The following TPST2 variants were observed in gnomAD, a reference collection of about 807,000 sequenced individuals.
The protein encoded by TPST2 is protein-tyrosine sulfotransferase 2.
In TPST2, 16 loss-of-function variants were observed where a neutral mutation model predicts 27.8. The ratio of observed to expected loss-of-function variants is 0.58; its 90% CI spans 0.39 to 0.88. The LOEUF is 0.88. Ranked by LOEUF, TPST2 falls within the 40% of genes least tolerant of loss-of-function variation. The probability of loss-of-function intolerance (pLI) is 0.00; values close to 1 mark genes in which losing one functional copy is unlikely to be tolerated. For missense variants in TPST2, 464 were observed against 543.1 expected, an observed-to-expected ratio of 0.85 and a Z score of 1.45; for synonymous variants, 229 against 231.7, an observed-to-expected ratio of 0.99 and a Z score of 0.10.
intron 1 of TPST2, among the ~76,000 whole-genome samples, chr22:26,577,914 A>C (rs968912352): frequency 6.6e-6 from 1 of 151,670 alleles, no homozygotes; most frequent in East Asian, 1.9e-4. Flanking sequence ...TAGACCTCCT[A>C]AAGTGCTAGG....
At chr22:26,569,620 G>T (rs1264957989) in intron 1 of TPST2, among the ~76,000 whole-genome samples, 1 of 151,836 alleles carries the variant, frequency 6.6e-6, no homozygotes, top group African/African-American at 2.4e-5. Context: ...CTGCACTCCA[G>T]CCTGGGCAAC....
chr22:26,552,141 G>A (rs186725891), intron 1 of TPST2, among the ~76,000 whole-genome samples: 41 of 152,218 alleles, frequency 2.7e-4, no homozygotes, highest in African/African-American at 8.7e-4. Context: ...GCCTCTCAAA[G>A]TGCTGGGATT....
chr22:26,556,347 T>C (rs970554877), intron 1 of TPST2, among the ~76,000 whole-genome samples: 1 of 152,114 alleles, frequency 6.6e-6, no homozygotes, highest in Non-Finnish European at 1.5e-5. Context: ...AAGACCAGCC[T>C]GGCCAACATG....
chr22:26,535,993 G>T, intron 4 of TPST2: 1 of 496,786 alleles, frequency 2.0e-6, no homozygotes. Context: ...CAGGGAAATA[G>T]GGGTAAAAAT....
intron 1 of TPST2, among the ~76,000 whole-genome samples, chr22:26,579,242 A>C (rs1927991092): frequency 6.6e-6 from 1 of 152,188 alleles, no homozygotes; most frequent in South Asian, 2.1e-4. Flanking sequence ...TGTGCACTTG[A>C]GCAAGGAATG....
intron 3 of TPST2, among the ~76,000 whole-genome samples, chr22:26,536,926 AGTC>A (rs1287159665): frequency 6.6e-6 from 1 of 152,144 alleles, no homozygotes; most frequent in East Asian, 1.9e-4. Flanking sequence ...AAGCGCCTGT[AGTC>A]CCAGCAGCTG....
chr22:26,550,642 C>T, intron 1 of TPST2: 3 of 985,830 alleles, frequency 3.0e-6, no homozygotes, highest in Non-Finnish European at 3.6e-6. Context: ...GCTCAGCCAT[C>T]AGCCCTGCAA....
chr22:26,555,202 G>A (rs779864803), intron 1 of TPST2: 13 of 533,628 alleles, frequency 2.4e-5, no homozygotes, highest in East Asian at 1.6e-4. Context: ...GTGAAACACC[G>A]CTTAAGGCAC....
At chr22:26,526,932 G>A (rs1398266956) in intron 6 of TPST2, among the ~76,000 whole-genome samples, 1 of 152,110 alleles carries the variant, frequency 6.6e-6, no homozygotes, top group Non-Finnish European at 1.5e-5. Flanking sequence ...ACAAAAATTA[G>A]CTGGGTGTGG....
chr22:26,583,370 G>C lies in TPST2; in HGVS notation c.-161+6683C>G, dbSNP rs1200773884. The stretch of plus-strand genomic sequence containing the variant: ...GAGAATCACTTGAACCGAGGAGGCA[G>C]GGGTTGCAGTGAGCCAAGATCATAC... On this transcript the variant is annotated intron_variant, in intron 1 of 6. Coordinates refer to ENST00000338754, the MANE Select transcript of TPST2 (RefSeq NM_003595.5). Among the ~76,000 whole-genome samples, 19 of 148,716 alleles carry C rather than the reference G, an allele frequency of 1.3e-4. No homozygotes were observed. The Admixed American group carries it at 1.3e-3, about 10-fold the overall frequency.
At chr22:26,530,329 A>G (rs1925083009) in intron 5 of TPST2, among the ~76,000 whole-genome samples, 1 of 151,840 alleles carries the variant, frequency 6.6e-6, no homozygotes, top group South Asian at 2.1e-4. Flanking sequence ...CTTTCTTACT[A>G]TTTTTTCATC....
chr22:26,554,907 C>G (rs1176759367), intron 1 of TPST2, among the ~76,000 whole-genome samples: 1 of 151,342 alleles, frequency 6.6e-6, no homozygotes, highest in East Asian at 1.9e-4. Context: ...CACTGCACTC[C>G]AGCCTGGGTG....
rs117787491 is a variant in TPST2 at position 26,552,725 on chromosome 22, C to T, written c.-160-8050G>A. On this transcript the variant is annotated intron_variant, in intron 1 of 6. Transcript: ENST00000338754. The stretch of plus-strand genomic sequence containing the variant: ...AAAACAGGCGGTCAGCTAGATTTGT[C>T]CCGTGGGCATAGTTTGCCAACCCCC... 3.4e-3 allele frequency among the ~76,000 whole-genome samples: 521 copies of T among 152,258 alleles called. 4 individuals carry two copies. The highest frequency in any genetic ancestry group is 5.8e-3 in the Non-Finnish European group (392 of 68,016).
intron 1 of TPST2, among the ~76,000 whole-genome samples, chr22:26,549,765 T>C (rs1275359252): frequency 6.8e-6 from 1 of 148,098 alleles, no homozygotes; most frequent in Non-Finnish European, 1.5e-5. Flanking sequence ...GTGTGGTGAC[T>C]CACACCTATA....
chr22:26,534,751 A>G lies in TPST2; in HGVS notation c.1041+1537T>C, dbSNP rs183040105. Among the ~76,000 whole-genome samples the G allele has an allele frequency of 1.4e-3, 209 of 152,372 alleles. 1 individual carries two copies. The highest frequency in any genetic ancestry group is 4.6e-3 in the African/African-American group (193 of 41,592). On this transcript the variant is annotated intron_variant, in intron 4 of 6. Coordinates refer to ENST00000338754, the MANE Select transcript of TPST2 (RefSeq NM_003595.5). ...GAGATCACTACCATCTTTTTAATCC[A>G]GTTAATTAATTTTTTATTTTGATAA... is the stretch of plus-strand genomic sequence containing the variant.
At chr22:26,559,040 A>G (rs1926949616) in intron 1 of TPST2, among the ~76,000 whole-genome samples, 1 of 152,240 alleles carries the variant, frequency 6.6e-6, no homozygotes, top group African/African-American at 2.4e-5. Context: ...CTGAGGGACA[A>G]TGCACATATC....
rs1924645388 is a variant in TPST2 at position 26,523,125 on chromosome 22, G to C, written c.*3150C>G. ...TGAGCTGTGTTTGCAGGAGTTAGAGGTTGCAGTGAGCTGTGTTTGTGCCAC... is the reference window on the plus strand; with the variant it reads ...TGAGCTGTGTTTGCAGGAGTTAGAGCTTGCAGTGAGCTGTGTTTGTGCCAC... On this transcript the variant is annotated 3_prime_UTR_variant, in exon 7 of 7. Coordinates refer to ENST00000338754, the MANE Select transcript of TPST2 (RefSeq NM_003595.5). 6.6e-6 allele frequency: 1 copy of C among 152,210 alleles called. No homozygotes were observed. Among genetic ancestry groups the C allele is most frequent in the Non-Finnish European group, 1.5e-5 (1 of 68,182 alleles). The allele number at this position is 152,210 out of a possible 1,614,324, so 9.4% of individuals were successfully genotyped here. A position where few individuals can be genotyped will look rare whatever the true frequency, so the allele number is the denominator to read the frequency against.
intron 1 of TPST2, among the ~76,000 whole-genome samples, chr22:26,584,598 A>C (rs1395890338): frequency 6.6e-6 from 1 of 152,048 alleles, no homozygotes; most frequent in African/African-American, 2.4e-5. Flanking sequence ...CCAGAAGTTC[A>C]AGGTTATAGT....
intron 1 of TPST2, chr22:26,555,330 GC>G (rs546943051): frequency 4.3e-5 from 22 of 508,312 alleles, no homozygotes; most frequent in Non-Finnish European, 7.5e-5. Context: ...GCCCACCTGG[GC>G]CAGGCTCAGG....
Sources: gnomAD v4.1 joint callset for allele counts (sites outside exome capture counted in the v4.1 genomes callset) on GRCh38, gnomAD v4.1.1 for gene constraint, MANE v1.5 for transcripts, NCBI Gene and HGNC (gene_info 2026-07-23, HGNC 2026-07-21) for gene names.